Variants in RBFOX1 observed in about 807,000 individuals in gnomAD.
The protein encoded by RBFOX1 is RNA binding protein fox-1 homolog 1.
Under a neutral mutation model 57.7 loss-of-function variants are expected in RBFOX1, and 8 were observed. That is an observed-to-expected ratio of 0.14 (90% confidence interval 0.08 to 0.25). The LOEUF (loss-of-function observed/expected upper bound fraction) is 0.25, where lower values mean the gene tolerates loss of function less well. RBFOX1 is among the 10% of genes least tolerant of loss of function. RBFOX1 has a pLI of 1.00. For synonymous variants in RBFOX1, 326 were observed against 222.4 expected (o/e 1.47, Z -4.15); for missense variants, 611 against 548.5 (o/e 1.11, Z -1.14).
intron 3 of RBFOX1, among the ~76,000 whole-genome samples, chr16:6,782,509 G>A (rs79693790): frequency 3.3e-5 from 5 of 151,814 alleles, no homozygotes; most frequent in Non-Finnish European, 5.9e-5. Context: ...GTTCAATCTT[G>A]GTAGGAATTT....
intron 1 of RBFOX1, among the ~76,000 whole-genome samples, chr16:5,255,330 A>ATCCATCCATCCATCCATCCATCCC (rs2062559091): frequency 8.4e-6 from 1 of 118,574 alleles, no homozygotes; most frequent in Non-Finnish European, 1.8e-5. Context: ...CCTTCCATCC[A>ATCCATCCATCCATCCATCCATCCC]TCCATCCATC....
At chr16:7,364,574 C>T (rs2097399773) in intron 4 of RBFOX1, among the ~76,000 whole-genome samples, 1 of 131,266 alleles carries the variant, frequency 7.6e-6, no homozygotes, top group East Asian at 2.2e-4. Context: ...ATCAAGAAGA[C>T]CAAAAAAAAA....
At chr16:6,819,016 G>A (rs9936258) in intron 3 of RBFOX1, among the ~76,000 whole-genome samples, 99,216 of 152,088 alleles carry the variant, frequency 0.65, 33,157 homozygotes, top group East Asian at 0.87. Flanking sequence ...GAAAATAAAG[G>A]TAAGTAACAG....
intron 4 of RBFOX1, among the ~76,000 whole-genome samples, chr16:7,119,876 A>G (rs1328573713): frequency 6.6e-6 from 1 of 152,142 alleles, no homozygotes; most frequent in East Asian, 1.9e-4. Context: ...TGTAATCAAC[A>G]CCATCCAACA....
chr16:6,214,465 A>G (rs1371017411), intron 1 of RBFOX1, among the ~76,000 whole-genome samples: 1 of 137,374 alleles, frequency 7.3e-6, no homozygotes, highest in Non-Finnish European at 1.6e-5. Context: ...GGAGAGCGAC[A>G]GGGAGAAAAG....
intron 4 of RBFOX1, among the ~76,000 whole-genome samples, chr16:7,433,522 A>T (rs1567144510): frequency 6.6e-6 from 1 of 152,230 alleles, no homozygotes; most frequent in Non-Finnish European, 1.5e-5. Flanking sequence ...TGCGCGGTGA[A>T]ATCTTGCTGA....
chr16:5,306,362 C>T (rs1344125190), intron 1 of RBFOX1, among the ~76,000 whole-genome samples: 1 of 151,812 alleles, frequency 6.6e-6, no homozygotes, highest in South Asian at 2.1e-4. Context: ...CCTTGTCACC[C>T]AGGCTGTAGT....
At chr16:6,314,403 A>G (rs770088678) in intron 1 of RBFOX1, among the ~76,000 whole-genome samples, 1 of 152,204 alleles carries the variant, frequency 6.6e-6, no homozygotes, top group Non-Finnish European at 1.5e-5. Flanking sequence ...GCCAATGGCC[A>G]TAGGGACCTC....
intron 3 of RBFOX1, among the ~76,000 whole-genome samples, chr16:6,732,237 A>C (rs1260035707): frequency 6.6e-6 from 1 of 152,196 alleles, no homozygotes; most frequent in African/African-American, 2.4e-5. Flanking sequence ...GCTGGCATGT[A>C]ACTGGATTAC....
chr16:7,399,720 G>C (rs1446263554), intron 4 of RBFOX1, among the ~76,000 whole-genome samples: 2 of 113,458 alleles, frequency 1.8e-5, no homozygotes, highest in African/African-American at 6.5e-5. Flanking sequence ...TTAAGTTTAA[G>C]ATGACCCCAT....
At chr16:6,899,036 G>C (rs894742099) in intron 3 of RBFOX1, among the ~76,000 whole-genome samples, 2 of 151,500 alleles carry the variant, frequency 1.3e-5, no homozygotes, top group East Asian at 3.9e-4. Context: ...TGTGTATAAT[G>C]TGTGTATGCA....
In RBFOX1 at chr16:6,695,413, CAAAA is replaced by C. The variant is rs71145278; in HGVS notation, c.-16+40784_-16+40787del. On this transcript the variant is annotated intron_variant, in intron 3 of 15. Coordinates refer to ENST00000550418, the MANE Select transcript of RBFOX1 (RefSeq NM_018723.4). ...CCTGAGAGTAAGAGAGAAACTCTGTCAAAAAAAAAAAAAAAAAAAAAAAAGGAAA... is the reference window on the plus strand; with the variant it reads ...CCTGAGAGTAAGAGAGAAACTCTGTCAAAAAAAAAAAAAAAAAAAAGGAAA... Among the ~76,000 whole-genome samples the C allele has an allele frequency of 2.3e-3, 248 of 109,012 alleles. 1 individual carries two copies. The highest frequency in any genetic ancestry group is 5.5e-3 in the African/African-American group (142 of 25,728). 71.5% of individuals were successfully genotyped at this position (109,012 alleles called of 152,430 possible). A position where few individuals can be genotyped will look rare whatever the true frequency, so the allele number is the denominator to read the frequency against.
At chr16:6,823,401 T>C (rs2091648436) in intron 3 of RBFOX1, among the ~76,000 whole-genome samples, 1 of 152,062 alleles carries the variant, frequency 6.6e-6, no homozygotes, top group South Asian at 2.1e-4. Context: ...GTATTATATA[T>C]GTGCGCCACC....
chr16:6,075,464 A>G (rs998341982), intron 1 of RBFOX1, among the ~76,000 whole-genome samples: 3 of 152,244 alleles, frequency 2.0e-5, no homozygotes, highest in Non-Finnish European at 1.5e-5. Flanking sequence ...CTTATACACC[A>G]TCAGAATAAA....
intron 1 of RBFOX1, among the ~76,000 whole-genome samples, chr16:5,384,598 T>C (rs2066210438): frequency 6.6e-6 from 1 of 152,054 alleles, no homozygotes; most frequent in Non-Finnish European, 1.5e-5. Flanking sequence ...ACTCCAAAGG[T>C]GATGAGGAGG....
At chr16:7,262,630 G>C (rs1023229979) in intron 4 of RBFOX1, among the ~76,000 whole-genome samples, 1 of 152,232 alleles carries the variant, frequency 6.6e-6, no homozygotes, top group East Asian at 1.9e-4. Flanking sequence ...CATCTCTGCA[G>C]CTTTGATAGC....
At chr16:5,344,714 A>G (rs2065103556) in intron 1 of RBFOX1, among the ~76,000 whole-genome samples, 1 of 152,182 alleles carries the variant, frequency 6.6e-6, no homozygotes, top group Non-Finnish European at 1.5e-5. Context: ...ATATCCATCA[A>G]TATTTGATAC....
chr16:7,174,247 A>G (rs1372871963), intron 4 of RBFOX1, among the ~76,000 whole-genome samples: 2 of 152,004 alleles, frequency 1.3e-5, no homozygotes, highest in South Asian at 4.1e-4. Flanking sequence ...ATGTATCACT[A>G]CTTTGTTTCT....
At chr16:5,559,154 AC>A (rs1295640391) in intron 2 of RBFOX1, among the ~76,000 whole-genome samples, 1 of 118,084 alleles carries the variant, frequency 8.5e-6, no homozygotes, top group Non-Finnish European at 1.7e-5. Context: ...AGCTAGGAGA[AC>A]CCCCCCAGGC....
Sources: gnomAD v4.1 joint callset for allele counts (sites outside exome capture counted in the v4.1 genomes callset) on GRCh38, gnomAD v4.1.1 for gene constraint, MANE v1.5 for transcripts, NCBI Gene and HGNC (gene_info 2026-07-23, HGNC 2026-07-21) for gene names.